The following ZNF273 variants were observed in gnomAD, a reference collection of about 807,000 sequenced individuals.
ZNF273 encodes the protein zinc finger protein 9.
In ZNF273, 11 loss-of-function variants were observed where a neutral mutation model predicts 14.9. The ratio of observed to expected loss-of-function variants is 0.74; its 90% CI spans 0.46 to 1.22. The LOEUF (loss-of-function observed/expected upper bound fraction) is 1.22, where lower values mean the gene tolerates loss of function less well. Among genes scored for constraint, ZNF273 ranks in the 50% most tolerant of loss-of-function variants. The probability of loss-of-function intolerance (pLI) is 0.00; values close to 1 mark genes in which losing one functional copy is unlikely to be tolerated. For missense variants in ZNF273, 577 were observed against 660.6 expected (o/e 0.87, Z 1.39); for synonymous variants, 199 against 223.9 (o/e 0.89, Z 0.99).
intron 3 of ZNF273, among the ~76,000 whole-genome samples, chr7:64,927,388 T>G (rs1794813445): frequency 6.7e-6 from 1 of 150,024 alleles, no homozygotes; most frequent in Non-Finnish European, 1.5e-5. Context: ...GCACCCGACC[T>G]GCAATAGACT....
intron 3 of ZNF273, chr7:64,923,502 C>T (rs7786519): frequency 0.45 from 169,819 of 379,830 alleles, 40,274 homozygotes; most frequent in Middle Eastern, 0.51. Context: ...CCATCATGCC[C>T]GGCTAATTTT....
downstream of ZNF273, chr7:64,888,918 C>T (rs1791781715): frequency 1.0e-6 from 1 of 982,704 alleles, no homozygotes; most frequent in Admixed American, 6.2e-5. Flanking sequence ...AGTCACCCTG[C>T]AAGAGAAAAC....
At chr7:64,879,716 A>C (rs1477287274) in exon 3 of ZNF273, 3 of 152,220 alleles carry the variant, frequency 2.0e-5, no homozygotes, top group African/African-American at 4.8e-5. Context: ...GAGACCCCTC[A>C]AAAACTCACA....
At chr7:64,881,777 G>C (rs2129029080), downstream of ZNF273, among the ~76,000 whole-genome samples, 1 of 152,268 alleles carries the variant, frequency 6.6e-6, no homozygotes, top group South Asian at 2.1e-4. Context: ...GGAGGCTCTT[G>C]GGTCCTCTGG....
intron 3 of ZNF273, chr7:64,923,808 T>G: frequency 6.5e-6 from 1 of 152,890 alleles, no homozygotes; most frequent in East Asian, 1.9e-4. Context: ...TGCATTCTAT[T>G]TTACTAGTCT....
chr7:64,880,202 G>A (rs1335086324), downstream of ZNF273: 1 of 152,276 alleles, frequency 6.6e-6, no homozygotes, highest in East Asian at 1.9e-4. Flanking sequence ...CACGATCCAG[G>A]ATACAATAGA....
intron 3 of ZNF273, among the ~76,000 whole-genome samples, chr7:64,924,873 G>A (rs1794702824): frequency 6.6e-6 from 1 of 151,514 alleles, no homozygotes; most frequent in Non-Finnish European, 1.5e-5. Flanking sequence ...CACCATCTCA[G>A]CTCACTGCAA....
At chr7:64,918,918 A>G (rs1056896708) in intron 3 of ZNF273, among the ~76,000 whole-genome samples, 6 of 152,138 alleles carry the variant, frequency 3.9e-5, no homozygotes, top group African/African-American at 1.4e-4. Context: ...TGGGGGACAC[A>G]CAGATATCTG....
downstream of ZNF273, among the ~76,000 whole-genome samples, chr7:64,882,298 A>G (rs1346021658): frequency 6.6e-6 from 1 of 150,854 alleles, no homozygotes; most frequent in Non-Finnish European, 1.5e-5. Flanking sequence ...CACGGTCTCC[A>G]ATCGCCTCCT....
Position 64,928,302 on chromosome 7 carries a change from A to G in ZNF273, c.974A>G (p.Lys325Arg). The G allele has an allele frequency of 6.2e-7, 1 of 1,613,056 alleles. No individual in the cohort carries two copies. Among genetic ancestry groups the G allele is most frequent in the South Asian group, 1.1e-5 (1 of 90,960 alleles). ...TKPYNCEECG[K>R]GFSIFSTLTK... ...CCCTACAATTGTGAAGAATGTGGCA[A>G]AGGCTTTAGTATATTCTCAACCCTT... Residue 325 changes from lysine to arginine, a missense_variant, in exon 4 of 4, where the codon AAA becomes AGA. Transcript: ENST00000476120.
At chr7:64,916,379 A>C (rs1293305025) in intron 1 of ZNF273, among the ~76,000 whole-genome samples, 1 of 150,846 alleles carries the variant, frequency 6.6e-6, no homozygotes, top group Admixed American at 6.6e-5. Context: ...GTAAAAAAAA[A>C]AAAAAAAAAA....
At chr7:64,881,689 G>C (rs966277720), downstream of ZNF273, among the ~76,000 whole-genome samples, 1 of 152,178 alleles carries the variant, frequency 6.6e-6, no homozygotes, top group African/African-American at 2.4e-5. Context: ...GGGCACAAGG[G>C]ACTTGGAGTA....
At chr7:64,926,848 C>G (rs1284642413) in intron 3 of ZNF273, among the ~76,000 whole-genome samples, 1 of 152,132 alleles carries the variant, frequency 6.6e-6, no homozygotes, top group East Asian at 1.9e-4. Context: ...CATGTTTCTT[C>G]TTAATAGTCA....
At chr7:64,935,840 T>C (rs983970055), downstream of ZNF273, among the ~76,000 whole-genome samples, 1 of 152,074 alleles carries the variant, frequency 6.6e-6, no homozygotes, top group Non-Finnish European at 1.5e-5. Flanking sequence ...TTTCTCTTAG[T>C]TTAACAAGAT....
At chr7:64,918,659 CAAAAAAAAAAAAAAAA>C (rs1171857179) in intron 3 of ZNF273, among the ~76,000 whole-genome samples, 1 of 80,042 alleles carries the variant, frequency 1.2e-5, no homozygotes, top group Non-Finnish European at 2.2e-5. Flanking sequence ...GACTCCATCT[CAAAAAAAAAAAAAAAA>C]AAAAAAAAAA....
At position 64,921,637 on chromosome 7, in the gene ZNF273, T is replaced by TTTTTTG. The variant is rs750737426; in HGVS notation, c.325+3345_325+3346insTTTTTG. ...TTTTTTTTTTTTTTTTTTTTTTTTT[T>TTTTTTG]GTGTGTGAGACAGAGTCTTGCTCTC... On this transcript the variant is annotated intron_variant, in intron 3 of 3. Transcript: ENST00000476120. Among the ~76,000 whole-genome samples the TTTTTTG allele has an allele frequency of 7.4e-4, 22 of 29,576 alleles. 2 individuals are homozygous for TTTTTTG. Among genetic ancestry groups the TTTTTTG allele is most frequent in the African/African-American group, 3.3e-3 (21 of 6,416 alleles). The allele number at this position is 29,576 out of a possible 152,430, so 19.4% of individuals were successfully genotyped here.
rs1161334225 is a variant in ZNF273, at chr7:64,929,501, C to G, written c.*463C>G. The stretch of plus-strand genomic sequence containing the variant: ...AATGAATTTGGAAAAATATTTTTTT[C>G]AACAACAGCTTAGAAAACATGGGAG... On this transcript the variant is annotated 3_prime_UTR_variant, in exon 4 of 4. Coordinates refer to ENST00000476120, the MANE Select transcript of ZNF273 (RefSeq NM_021148.3). 3 of 152,152 alleles carry G rather than the reference C, an allele frequency of 2.0e-5. No homozygotes were observed. Among genetic ancestry groups the G allele is most frequent in the African/African-American group, 7.2e-5 (3 of 41,398 alleles). The allele number at this position is 152,152 out of a possible 1,614,324, so 9.4% of individuals were successfully genotyped here.
chr7:64,888,311 G>C (rs1416243470), intron 1 of ZNF273: 19 of 985,298 alleles, frequency 1.9e-5, no homozygotes, highest in Non-Finnish European at 2.2e-5. Flanking sequence ...CCGTGGCCTC[G>C]CACAGGCTGC....
At chr7:64,904,905 G>C (rs1442185087) in intron 1 of ZNF273, among the ~76,000 whole-genome samples, 1 of 152,060 alleles carries the variant, frequency 6.6e-6, no homozygotes, top group East Asian at 1.9e-4. Context: ...TGTTTCCTCA[G>C]CCACTCCTCA....
Sources: gnomAD v4.1 joint callset for allele counts (sites outside exome capture counted in the v4.1 genomes callset) on GRCh38, gnomAD v4.1.1 for gene constraint, MANE v1.5 for transcripts, NCBI Gene and HGNC (gene_info 2026-07-23, HGNC 2026-07-21) for gene names.